Variants in KAZN observed in about 807,000 individuals in gnomAD.
The protein encoded by KAZN is kazrin.
Under a neutral mutation model 87.4 loss-of-function variants are expected in KAZN, and 40 were observed. The observed-to-expected ratio is 0.46, with a 90% CI of 0.36 to 0.60. KAZN has a LOEUF of 0.60. Among genes scored for constraint, KAZN ranks in the 20% least tolerant of loss-of-function variants. KAZN has a pLI of 0.00. For missense variants in KAZN, 898 were observed against 1,073.9 expected, an observed-to-expected ratio of 0.84 and a Z score of 2.29; for synonymous variants, 466 against 458.3, an observed-to-expected ratio of 1.02 and a Z score of -0.22.
At chr1:14,562,726 A>G (rs1044785671) in intron 2 of KAZN, among the ~76,000 whole-genome samples, 4 of 152,214 alleles carry the variant, frequency 2.6e-5, no homozygotes, top group African/African-American at 7.2e-5. Context: ...TTCACTGAGC[A>G]CCTACTAAGT....
chr1:14,512,892 C>T (rs1283421553), intron 2 of KAZN, among the ~76,000 whole-genome samples: 1 of 152,206 alleles, frequency 6.6e-6, no homozygotes, highest in Non-Finnish European at 1.5e-5. Flanking sequence ...ACGATCAGGC[C>T]GGCTCTTCTC....
At chr1:14,532,829 C>A (rs1195037148) in intron 2 of KAZN, among the ~76,000 whole-genome samples, 1 of 151,886 alleles carries the variant, frequency 6.6e-6, no homozygotes, top group African/African-American at 2.4e-5. Context: ...CATAGTATTC[C>A]ATGGTGTATA....
intron 1 of KAZN, among the ~76,000 whole-genome samples, chr1:14,699,866 G>C (rs1454015842): frequency 6.6e-6 from 1 of 152,202 alleles, no homozygotes; most frequent in East Asian, 1.9e-4. Context: ...ATCATGGGAA[G>C]AGATGTGCAC....
chr1:14,072,518 C>T lies in KAZN; in HGVS notation c.92-107917C>T, dbSNP rs572517336. On this transcript the variant is annotated intron_variant, in intron 1 of 16. Transcript: ENST00000636203. Reference sequence around the variant, plus strand: ...TGCCTCCACCTACCTATAAAGGGGGCTAATACTACTCGTCTCCTAGGGTTG... The same window carrying T: ...TGCCTCCACCTACCTATAAAGGGGGTTAATACTACTCGTCTCCTAGGGTTG... Among the ~76,000 whole-genome samples the T allele has an allele frequency of 2.3e-4, 35 of 152,284 alleles. No individual in the cohort carries two copies. The South Asian group carries it at 5.8e-3, about 25-fold the overall frequency.
intron 1 of KAZN, among the ~76,000 whole-genome samples, chr1:14,154,942 C>T (rs1165136608): frequency 1.4e-5 from 2 of 147,812 alleles, no homozygotes; most frequent in Non-Finnish European, 3.0e-5. Context: ...CAGAGATTGG[C>T]TTGTAGTTTT....
chr1:14,647,592 G>A (rs577009467), intron 1 of KAZN, among the ~76,000 whole-genome samples: 38 of 152,280 alleles, frequency 2.5e-4, no homozygotes, highest in Admixed American at 6.5e-5. Context: ...CAGTCAGGTA[G>A]AGAGCCTGGG....
At chr1:14,587,447 G>GAA (rs59612903) in intron 2 of KAZN, among the ~76,000 whole-genome samples, 2 of 127,962 alleles carry the variant, frequency 1.6e-5, no homozygotes, top group Non-Finnish European at 3.4e-5. Flanking sequence ...AAAAAAAAAA[G>GAA]AAAAAAAAAA....
chr1:14,866,188 C>G (rs1378852143), intron 1 of KAZN, among the ~76,000 whole-genome samples: 2 of 152,128 alleles, frequency 1.3e-5, no homozygotes, highest in Non-Finnish European at 2.9e-5. Flanking sequence ...CCCCTCCCCA[C>G]TCAGCTCTTC....
intron 2 of KAZN, 120 bp from the exon 3 acceptor site, chr1:15,034,629 T>C: frequency 5.7e-6 from 7 of 1,235,164 alleles, no homozygotes; most frequent in Non-Finnish European, 7.9e-6. Flanking sequence ...CATTTCGTCT[T>C]TCTGAGCCCT....
At chr1:14,148,936 A>G (rs55737703) in intron 1 of KAZN, among the ~76,000 whole-genome samples, 37,212 of 151,878 alleles carry the variant, frequency 0.25, 4,911 homozygotes, top group South Asian at 0.35. Context: ...TTTGGCTTTT[A>G]TATTTTGGTC....
chr1:15,058,954 A>G (rs7520078), intron 5 of KAZN, among the ~76,000 whole-genome samples: 14,595 of 151,958 alleles, frequency 0.096, 1,933 homozygotes, highest in African/African-American at 0.3. Context: ...CCCGGGAAGC[A>G]GAGGTTGTGG....
At chr1:14,737,622 C>A (rs1643947124) in intron 1 of KAZN, among the ~76,000 whole-genome samples, 1 of 152,334 alleles carries the variant, frequency 6.6e-6, no homozygotes, top group South Asian at 2.1e-4. Context: ...CTGAACTGGG[C>A]TCTCTGCTCA....
chr1:14,313,741 T>C (rs1655461568), intron 2 of KAZN, among the ~76,000 whole-genome samples: 1 of 152,134 alleles, frequency 6.6e-6, no homozygotes, highest in East Asian at 1.9e-4. Context: ...CCCTTTACTC[T>C]GGCATGTTGA....
At chr1:14,101,622 G>GT (rs1205726640) in intron 1 of KAZN, among the ~76,000 whole-genome samples, 2 of 152,162 alleles carry the variant, frequency 1.3e-5, no homozygotes, top group Non-Finnish European at 2.9e-5. Flanking sequence ...TGTTGTCTAA[G>GT]TTTTCCCCAA....
At chr1:14,580,490 A>G (rs1000010960) in intron 2 of KAZN, among the ~76,000 whole-genome samples, 1 of 147,558 alleles carries the variant, frequency 6.8e-6, no homozygotes, top group African/African-American at 2.6e-5. Flanking sequence ...AAATAAATAA[A>G]TAAATAAATA....
intron 2 of KAZN, among the ~76,000 whole-genome samples, chr1:14,362,917 A>G (rs1659641253): frequency 6.6e-6 from 1 of 152,186 alleles, no homozygotes; most frequent in Admixed American, 6.5e-5. Context: ...CTGAGGCAGG[A>G]AGGGGGCTCA....
At chr1:14,189,257 G>A (rs1230577091) in intron 2 of KAZN, among the ~76,000 whole-genome samples, 1 of 152,124 alleles carries the variant, frequency 6.6e-6, no homozygotes, top group Non-Finnish European at 1.5e-5. Context: ...CAGCTTAGTA[G>A]CCCAGAGACT....
In KAZN at chr1:14,365,368, T is replaced by TGGG. The variant is rs796259489; in HGVS notation, c.249+184788_249+184790dup. On this transcript the variant is annotated intron_variant, in intron 2 of 16. Coordinates refer to the KAZN transcript ENST00000636203. Reference sequence around the variant, plus strand: ...CGGCGCCCACCCCCTCCCCCCGGGGTGGGGGGGGGGGGGGTCTTTCAAGGT... The same window carrying TGGG: ...CGGCGCCCACCCCCTCCCCCCGGGGTGGGGGGGGGGGGGGGGGTCTTTCAAGGT... 4.8e-3 allele frequency among the ~76,000 whole-genome samples: 396 copies of TGGG among 83,084 alleles called. 5 individuals are homozygous for TGGG. Among genetic ancestry groups the TGGG allele is most frequent in the South Asian group, 6.2e-3 (12 of 1,932 alleles). The allele number at this position is 83,084 out of a possible 152,430, so 54.5% of individuals were successfully genotyped here.
intron 2 of KAZN, among the ~76,000 whole-genome samples, chr1:14,234,737 A>T (rs1648239448): frequency 6.6e-6 from 1 of 152,228 alleles, no homozygotes; most frequent in Admixed American, 6.5e-5. Context: ...TTTGTGCCAA[A>T]TCTGGAAGGT....
Sources: gnomAD v4.1 joint callset for allele counts (sites outside exome capture counted in the v4.1 genomes callset) on GRCh38, gnomAD v4.1.1 for gene constraint, MANE v1.5 for transcripts, NCBI Gene and HGNC (gene_info 2026-07-23, HGNC 2026-07-21) for gene names.